Variants in CORIN observed in about 807,000 individuals in gnomAD.
The protein encoded by CORIN is corin, serine peptidase, also known as atrial natriuretic peptide-converting enzyme.
In CORIN, 117 loss-of-function variants were observed where a neutral mutation model predicts 125.3. That is an observed-to-expected ratio of 0.93 (90% CI 0.80 to 1.09). CORIN has a LOEUF of 1.09. Among genes scored for constraint, CORIN ranks in the 50% least tolerant of loss-of-function variants. The pLI, the probability that CORIN is intolerant of heterozygous loss-of-function variation, is 0.00. For synonymous variants in CORIN, 450 were observed against 466.4 expected (o/e 0.96, Z 0.45); for missense variants, 1,253 against 1,306.7 (o/e 0.96, Z 0.63).
chr4:47,742,641 G>GTT (rs2109834227), intron 5 of CORIN, among the ~76,000 whole-genome samples: 1 of 152,020 alleles, frequency 6.6e-6, no homozygotes, highest in South Asian at 2.1e-4. Flanking sequence ...AATTGTTATG[G>GTT]TTGGAAGACT....
intron 1 of CORIN, 29 bp downstream of exon 1, chr4:47,837,858 G>T: frequency 6.3e-7 from 1 of 1,595,708 alleles, no homozygotes; most frequent in Non-Finnish European, 8.6e-7. Flanking sequence ...ACACCTGGCT[G>T]CGGTAGGACA....
At chr4:47,675,112 G>A (rs1243612819) in intron 9 of CORIN, among the ~76,000 whole-genome samples, 1 of 152,192 alleles carries the variant, frequency 6.6e-6, no homozygotes, top group Non-Finnish European at 1.5e-5. Context: ...GACAGCAGTA[G>A]TATCAGTGTT....
intron 4 of CORIN, among the ~76,000 whole-genome samples, chr4:47,759,767 A>T (rs778848318): frequency 5.3e-5 from 8 of 152,290 alleles, no homozygotes; most frequent in Non-Finnish European, 1.2e-4. Flanking sequence ...ATCTCAAGAA[A>T]CCACTTTCTT....
chr4:47,715,472 G>A (rs1182050182), intron 5 of CORIN, among the ~76,000 whole-genome samples: 1 of 152,154 alleles, frequency 6.6e-6, no homozygotes, highest in Non-Finnish European at 1.5e-5. Context: ...CCGTGTGGTG[G>A]CAGATGCCTG....
Position 47,744,426 on chromosome 4 carries a change from G to A in CORIN, c.775C>T (p.Pro259Ser), listed in dbSNP as rs1221995989. Reference protein sequence around the residue: ...SSNVSRICFSPQQENGKQLLC... With the variant: ...SSNVSRICFSSQQENGKQLLC... ...CATTGCTTTCCGTTTTCCTGCTGAG[G>A]TGAGAAGCAAATTCTGCTGACATTG... The change falls in exon 5 of 22, where the codon CCT (proline) becomes TCT (serine). Residue 259 changes from proline (P) to serine (S), a missense_variant. Transcript: ENST00000273857. The A allele has an allele frequency of 1.9e-6, 3 of 1,613,686 alleles. No individual in the cohort carries two copies. Among genetic ancestry groups the A allele is most frequent in the Non-Finnish European group, 2.5e-6 (3 of 1,179,944 alleles).
At chr4:47,703,691 T>C (rs553132816) in intron 5 of CORIN, among the ~76,000 whole-genome samples, 25 of 152,210 alleles carry the variant, frequency 1.6e-4, no homozygotes, top group Non-Finnish European at 1.5e-4. Flanking sequence ...GCCCAGTATG[T>C]TCTGTTTACT....
At chr4:47,649,726 C>T (rs1050115917) in intron 13 of CORIN, among the ~76,000 whole-genome samples, 87 of 152,268 alleles carry the variant, frequency 5.7e-4, no homozygotes, top group African/African-American at 1.9e-3. Context: ...CCACAGAAGA[C>T]GATGAAACAG....
At chr4:47,706,609 A>G (rs774524279) in intron 5 of CORIN, 45 of 1,604,798 alleles carry the variant, frequency 2.8e-5, no homozygotes, top group Non-Finnish European at 3.6e-5. Flanking sequence ...TAAGGGTGCA[A>G]CTTACGGCAA....
intron 5 of CORIN, among the ~76,000 whole-genome samples, chr4:47,700,375 A>G (rs1365164235): frequency 6.6e-6 from 1 of 152,160 alleles, no homozygotes; most frequent in Non-Finnish European, 1.5e-5. Flanking sequence ...GAAGGTGTAC[A>G]GTGTGTGGAT....
rs1384531576 is a variant in CORIN, at chr4:47,706,965, TC to T, written c.800-13883del. On this transcript the variant is annotated intron_variant, in intron 5 of 21. Transcript: ENST00000273857. Reference sequence around the variant, plus strand: ...GCAGCTTGGAGAAGGCGCAATACTCTCCAGCTCCACCGTTACCGCTAATACA... The same window carrying T: ...GCAGCTTGGAGAAGGCGCAATACTCTCAGCTCCACCGTTACCGCTAATACA... 1.9e-6 allele frequency: 3 copies of T among 1,592,410 alleles called. No individual in the cohort carries two copies. In the African/African-American group the frequency reaches 4.0e-5, roughly 21 times the overall value.
intron 1 of CORIN, among the ~76,000 whole-genome samples, chr4:47,813,728 T>C (rs1732151142): frequency 6.6e-6 from 1 of 152,216 alleles, no homozygotes; most frequent in South Asian, 2.1e-4. Context: ...ACCAAAATGT[T>C]CTTAAATAAA....
At chr4:47,768,189 T>C (rs1729854114) in intron 3 of CORIN, among the ~76,000 whole-genome samples, 1 of 152,104 alleles carries the variant, frequency 6.6e-6, no homozygotes, top group Non-Finnish European at 1.5e-5. Flanking sequence ...CCAAATCTTA[T>C]AAAACGGCCC....
At chr4:47,712,070 T>C (rs577028650) in intron 5 of CORIN, among the ~76,000 whole-genome samples, 101 of 152,342 alleles carry the variant, frequency 6.6e-4, no homozygotes, top group African/African-American at 2.3e-3. Context: ...ACCTACATCA[T>C]AGAACTGTAG....
chr4:47,663,842 A>G (rs1724355860), intron 11 of CORIN, among the ~76,000 whole-genome samples: 1 of 152,174 alleles, frequency 6.6e-6, no homozygotes, highest in Non-Finnish European at 1.5e-5. Flanking sequence ...TACTTAGCAG[A>G]AATTTTCAGA....
intron 10 of CORIN, among the ~76,000 whole-genome samples, chr4:47,672,926 T>A (rs1025863306): frequency 4.6e-5 from 7 of 152,058 alleles, no homozygotes; most frequent in African/African-American, 1.7e-4. Flanking sequence ...CTTGAGACTC[T>A]GTAACAGTTA....
At chr4:47,719,553 CA>C (rs1179558127) in intron 5 of CORIN, among the ~76,000 whole-genome samples, 1 of 152,116 alleles carries the variant, frequency 6.6e-6, no homozygotes, top group Non-Finnish European at 1.5e-5. Context: ...CCATATAATG[CA>C]GTTTTGTTTT....
chr4:47,789,454 T>C (rs1730967629), intron 2 of CORIN, among the ~76,000 whole-genome samples: 1 of 152,252 alleles, frequency 6.6e-6, no homozygotes, highest in Non-Finnish European at 1.5e-5. Context: ...TTAAGCTTTA[T>C]GTATTGAAAG....
At chr4:47,774,301 T>A (rs1172324573) in intron 3 of CORIN, among the ~76,000 whole-genome samples, 1 of 151,640 alleles carries the variant, frequency 6.6e-6, no homozygotes, top group Non-Finnish European at 1.5e-5. Flanking sequence ...CGGGAACAGG[T>A]GGGAGCCCCA....
chr4:47,746,187 A>C (rs1728655617), intron 4 of CORIN, among the ~76,000 whole-genome samples: 1 of 152,224 alleles, frequency 6.6e-6, no homozygotes, highest in Non-Finnish European at 1.5e-5. Flanking sequence ...CAGAGAAGTT[A>C]GCGAATATAC....
Sources: gnomAD v4.1 joint callset for allele counts (sites outside exome capture counted in the v4.1 genomes callset) on GRCh38, gnomAD v4.1.1 for gene constraint, MANE v1.5 for transcripts, NCBI Gene and HGNC (gene_info 2026-07-23, HGNC 2026-07-21) for gene names.